ROBO2: variants seen among roughly 807,000 people sequenced by gnomAD.
The protein encoded by ROBO2 is roundabout homolog 2.
Under a neutral mutation model 160.8 loss-of-function variants are expected in ROBO2, and 53 were observed. That is an observed-to-expected ratio of 0.33 (90% CI 0.26 to 0.41). The LOEUF (loss-of-function observed/expected upper bound fraction) is 0.41. Among genes scored for constraint, ROBO2 ranks in the 10% least tolerant of loss-of-function variants. The pLI, the probability that ROBO2 is intolerant of heterozygous loss-of-function variation, is 1.00. For missense variants in ROBO2, 1,577 were observed against 1,722.4 expected (o/e 0.92, Z 1.49); for synonymous variants, 664 against 611.7 (o/e 1.09, Z -1.26).
chr3:76,748,872 A>C (rs902041007), intron 2 of ROBO2, among the ~76,000 whole-genome samples: 2 of 151,956 alleles, frequency 1.3e-5, no homozygotes, highest in Non-Finnish European at 2.9e-5. Context: ...ATACAAATAT[A>C]AAAGTATTAG....
intron 2 of ROBO2, among the ~76,000 whole-genome samples, chr3:76,312,632 C>G (rs1424760847): frequency 1.3e-5 from 2 of 152,256 alleles, no homozygotes; most frequent in South Asian, 2.1e-4. Flanking sequence ...CTTTTTCTTG[C>G]AAACTGCAAG....
At chr3:76,772,646 G>A (rs2061984817) in intron 2 of ROBO2, among the ~76,000 whole-genome samples, 1 of 150,728 alleles carries the variant, frequency 6.6e-6, no homozygotes, top group Non-Finnish European at 1.5e-5. Flanking sequence ...AGAGAGCAGT[G>A]AAGTGAGCAT....
At chr3:76,988,478 A>C (rs184877132) in intron 2 of ROBO2, among the ~76,000 whole-genome samples, 8 of 152,328 alleles carry the variant, frequency 5.3e-5, no homozygotes, top group African/African-American at 1.9e-4. Context: ...GAAATCTAGA[A>C]GAGAGTGCTC....
chr3:76,354,916 T>C (rs1215301079), intron 2 of ROBO2, among the ~76,000 whole-genome samples: 1 of 151,898 alleles, frequency 6.6e-6, no homozygotes, highest in East Asian at 1.9e-4. Flanking sequence ...AAATAAGTTT[T>C]ATAAATCCAA....
intron 2 of ROBO2, among the ~76,000 whole-genome samples, chr3:76,034,830 C>T (rs1025260070): frequency 2.0e-5 from 3 of 152,106 alleles, no homozygotes; most frequent in Non-Finnish European, 4.4e-5. Flanking sequence ...CACCTCATGG[C>T]CTGTGCCCCA....
At chr3:76,846,640 A>AT (rs2068799388) in intron 2 of ROBO2, among the ~76,000 whole-genome samples, 1 of 152,060 alleles carries the variant, frequency 6.6e-6, no homozygotes, top group Admixed American at 6.6e-5. Context: ...TTCTTCTTTT[A>AT]TTTTTACCGA....
chr3:76,213,745 G>A (rs1396291589), intron 2 of ROBO2, among the ~76,000 whole-genome samples: 1 of 152,126 alleles, frequency 6.6e-6, no homozygotes, highest in African/African-American at 2.4e-5. Context: ...CTTTGAATTT[G>A]AATGTCAAGT....
At chr3:76,169,430 C>T (rs1214415350) in intron 2 of ROBO2, among the ~76,000 whole-genome samples, 1 of 152,170 alleles carries the variant, frequency 6.6e-6, no homozygotes. Context: ...ACAGGAAGAA[C>T]TTCTATGTCT....
intron 2 of ROBO2, among the ~76,000 whole-genome samples, chr3:77,460,514 G>A (rs1046087904): frequency 5.3e-5 from 8 of 152,106 alleles, no homozygotes; most frequent in South Asian, 2.1e-4. Flanking sequence ...GGAACACTCC[G>A]TTTTAAGTAC....
At chr3:77,579,222 T>G (rs1048578556) in intron 15 of ROBO2, among the ~76,000 whole-genome samples, 2 of 152,146 alleles carry the variant, frequency 1.3e-5, no homozygotes, top group Non-Finnish European at 2.9e-5. Context: ...TCCAAGAAGA[T>G]GCCCTAAAAT....
intron 2 of ROBO2, among the ~76,000 whole-genome samples, chr3:77,214,776 TG>T (rs1374478215): frequency 3.9e-5 from 6 of 152,204 alleles, no homozygotes; most frequent in Admixed American, 1.3e-4. Context: ...GCAGGCCTGG[TG>T]GTGACAAAAT....
At position 77,360,252 on chromosome 3, in the gene ROBO2, A is replaced by ACC. The variant is rs34393190; in HGVS notation, c.389-117153_389-117152dup. Among the ~76,000 whole-genome samples, 1,225 of 143,834 alleles carry ACC rather than the reference A, an allele frequency of 8.5e-3. 19 individuals carry two copies. The highest frequency in any genetic ancestry group is 0.044 in the Admixed American group (630 of 14,366). 94.4% of individuals were successfully genotyped at this position (143,834 alleles called of 152,430 possible). A position where few individuals can be genotyped will look rare whatever the true frequency, so the allele number is the denominator to read the frequency against. ...GTTGCAACAGTTAGAATGTAATGCA[A>ACC]CCCCCCCCCCAAATTTAGAAGCCCA... On this transcript the variant is annotated intron_variant, in intron 2 of 25. Transcript: ENST00000461745.
chr3:76,604,670 T>C (rs2087498572), intron 2 of ROBO2, among the ~76,000 whole-genome samples: 1 of 152,200 alleles, frequency 6.6e-6, no homozygotes, highest in African/African-American at 2.4e-5. Flanking sequence ...TTAATTGTTA[T>C]TGTAGTTATG....
intron 2 of ROBO2, among the ~76,000 whole-genome samples, chr3:76,007,168 A>G (rs1278021485): frequency 6.6e-6 from 1 of 152,140 alleles, no homozygotes. Context: ...ATGCAGTTAT[A>G]TATTGCTATA....
At chr3:76,943,281 T>A (rs2149123598) in intron 2 of ROBO2, among the ~76,000 whole-genome samples, 1 of 152,264 alleles carries the variant, frequency 6.6e-6, no homozygotes, top group Non-Finnish European at 1.5e-5. Flanking sequence ...TGACCCCCTT[T>A]ATCTTGAGTT....
intron 2 of ROBO2, among the ~76,000 whole-genome samples, chr3:76,403,388 A>G (rs907909099): frequency 2.6e-5 from 4 of 151,642 alleles, no homozygotes; most frequent in Non-Finnish European, 3.0e-5. Context: ...TAAATAATCT[A>G]TTTTTAAAAA....
intron 2 of ROBO2, among the ~76,000 whole-genome samples, chr3:77,319,212 G>A (rs1172790066): frequency 6.6e-6 from 1 of 152,152 alleles, no homozygotes; most frequent in Non-Finnish European, 1.5e-5. Context: ...TCTAATGAAA[G>A]TAAAAGATAA....
chr3:76,892,573 C>G (rs749070274), intron 2 of ROBO2, among the ~76,000 whole-genome samples: 1 of 152,132 alleles, frequency 6.6e-6, no homozygotes, highest in Non-Finnish European at 1.5e-5. Context: ...CCTGGTCCAA[C>G]GTAACGAACA....
intron 2 of ROBO2, among the ~76,000 whole-genome samples, chr3:76,060,123 G>A (rs191199780): frequency 1.7e-4 from 25 of 151,334 alleles, no homozygotes; most frequent in Non-Finnish European, 2.7e-4. Flanking sequence ...TTTTTTTAAA[G>A]ACAATGTGAT....
Sources: gnomAD v4.1 joint callset for allele counts (sites outside exome capture counted in the v4.1 genomes callset) on GRCh38, gnomAD v4.1.1 for gene constraint, MANE v1.5 for transcripts, NCBI Gene and HGNC (gene_info 2026-07-23, HGNC 2026-07-21) for gene names.